The following VEZT variants were observed in gnomAD, a reference collection of about 807,000 sequenced individuals.
VEZT encodes vezatin, adherens junctions transmembrane protein, also known as vezatin.
Under a neutral mutation model 79.9 loss-of-function variants are expected in VEZT, and 39 were observed. That is an observed-to-expected ratio of 0.49 (90% CI 0.38 to 0.64). VEZT has a LOEUF of 0.64. VEZT is among the 30% of genes least tolerant of loss of function. The probability of loss-of-function intolerance (pLI) is 0.00; values close to 1 mark genes in which losing one functional copy is unlikely to be tolerated. For missense variants in VEZT, 837 were observed against 893.1 expected, an observed-to-expected ratio of 0.94 and a Z score of 0.80; for synonymous variants, 325 against 327.6, an observed-to-expected ratio of 0.99 and a Z score of 0.09.
At chr12:95,258,196 A>G (rs1156909894) in intron 3 of VEZT, 1 of 454,342 alleles carries the variant, frequency 2.2e-6, no homozygotes, top group African/African-American at 2.0e-5. Flanking sequence ...TGTATTGAGA[A>G]GGTCAATGAA....
intron 1 of VEZT, among the ~76,000 whole-genome samples, chr12:95,244,943 C>A (rs1057211433): frequency 6.6e-6 from 1 of 152,008 alleles, no homozygotes; most frequent in Admixed American, 6.6e-5. Flanking sequence ...TTTTAAAATA[C>A]CACTTTTGGC....
intron 5 of VEZT, among the ~76,000 whole-genome samples, chr12:95,266,917 G>T (rs1167770119): frequency 1.3e-5 from 2 of 152,176 alleles, no homozygotes; most frequent in Non-Finnish European, 2.9e-5. Flanking sequence ...ATAATATATA[G>T]AGAGTGTCTG....
intron 9 of VEZT, among the ~76,000 whole-genome samples, chr12:95,292,694 G>A (rs544753676): frequency 9.0e-4 from 135 of 150,672 alleles, no homozygotes; most frequent in Non-Finnish European, 1.3e-3. Context: ...GACTACAGGC[G>A]CATGCCACCA....
At chr12:95,232,782 T>G (rs2059443542) in intron 1 of VEZT, among the ~76,000 whole-genome samples, 1 of 151,930 alleles carries the variant, frequency 6.6e-6, no homozygotes, top group African/African-American at 2.4e-5. Flanking sequence ...GTTGGTTTGG[T>G]TTGGGTTTTT....
rs772401637 is a variant in VEZT, at chr12:95,266,515, A to G, written c.593A>G (p.Lys198Arg). ...ACAGCCAAACTACAAGTGACCCTAA[A>G]AAAATACAGCGTTCATTTGGAAGAT... ...WRTAKLQVTLKKYSVHLEDMA... is the reference protein window; with the variant it reads ...WRTAKLQVTLRKYSVHLEDMA... Residue 198 changes from lysine to arginine, a missense_variant, in exon 5 of 12, where the codon AAA (lysine) becomes AGA (arginine). Lys to Arg is a conservative substitution (Grantham distance 26, BLOSUM62 2). Transcript: ENST00000436874. 2.4e-5 allele frequency: 39 copies of G among 1,613,860 alleles called. No individual in the cohort carries two copies. In the South Asian group the frequency reaches 4.3e-4, roughly 18 times the overall value.
chr12:95,300,370 T>C lies in VEZT; in HGVS notation c.2037T>C (p.Asn679=). The C allele has an allele frequency of 4.3e-6, 7 of 1,613,728 alleles. No individual in the cohort carries two copies. The highest frequency in any genetic ancestry group is 5.9e-6 in the Non-Finnish European group (7 of 1,179,790). The part of the protein sequence containing the change: ...LEGKNKDNSS[N]EVFPQGAEER... ...GTAAAAATAAAGATAATTCTTCAAA[T>C]GAAGTCTTCCCCCAAGGAGCAGAAG... Residue 679 remains asparagine, a synonymous_variant, in exon 12 of 12, where the codon AAT becomes AAC. Transcript: ENST00000436874.
chr12:95,261,690 C>T (rs1314014548), intron 3 of VEZT, among the ~76,000 whole-genome samples: 4 of 152,288 alleles, frequency 2.6e-5, no homozygotes, highest in East Asian at 3.9e-4. Flanking sequence ...GGACTACAGG[C>T]GTGAGCCACT....
At chr12:95,242,353 A>G (rs1171369363) in intron 1 of VEZT, 1 of 152,178 alleles carries the variant, frequency 6.6e-6, no homozygotes, top group Non-Finnish European at 1.5e-5. Context: ...AATAAAAATA[A>G]AATCACCTGA....
At chr12:95,239,694 G>A (rs1435885501) in intron 1 of VEZT, among the ~76,000 whole-genome samples, 1 of 152,164 alleles carries the variant, frequency 6.6e-6, no homozygotes, top group Non-Finnish European at 1.5e-5. Flanking sequence ...GCTCACACCT[G>A]TAATCCCAGC....
intron 8 of VEZT, among the ~76,000 whole-genome samples, chr12:95,287,275 C>T (rs1347368009): frequency 2.0e-5 from 3 of 151,966 alleles, no homozygotes; most frequent in Non-Finnish European, 2.9e-5. Context: ...GTAGCCATTA[C>T]CACTGTCCAA....
At position 95,276,339 on chromosome 12, in the gene VEZT, C is replaced by T. The variant is rs374833795; in HGVS notation, c.996+1450C>T. Among the ~76,000 whole-genome samples, 62 of 134,146 alleles carry T rather than the reference C, an allele frequency of 4.6e-4. No individual in the cohort carries two copies. In the East Asian group the frequency reaches 5.7e-3, roughly 12 times the overall value. The allele number at this position is 134,146 out of a possible 152,430, so 88.0% of individuals were successfully genotyped here. A position where few individuals can be genotyped will look rare whatever the true frequency, so the allele number is the denominator to read the frequency against. On this transcript the variant is annotated intron_variant, in intron 7 of 11. Transcript: ENST00000436874. ...GGAGTACAGTGTGGCTCAATCACAG[C>T]TCACTGCAGCCTCAACCTCCCCAGG...
intron 8 of VEZT, among the ~76,000 whole-genome samples, chr12:95,285,490 G>T (rs1262875671): frequency 6.6e-6 from 1 of 151,964 alleles, no homozygotes; most frequent in African/African-American, 2.4e-5. Flanking sequence ...CTCACCTTTT[G>T]TATATGGGCC....
At chr12:95,225,963 C>A (rs61937951) in intron 1 of VEZT, among the ~76,000 whole-genome samples, 16,766 of 151,710 alleles carry the variant, frequency 0.11, 1,350 homozygotes, top group African/African-American at 0.23. Context: ...GGCATGGTGG[C>A]ATGCATCTCT....
chr12:95,221,611 G>A (rs1452309827), intron 1 of VEZT, among the ~76,000 whole-genome samples: 1 of 151,788 alleles, frequency 6.6e-6, no homozygotes, highest in Non-Finnish European at 1.5e-5. Context: ...GGGAGGCTAA[G>A]GTAGGAATAT....
intron 8 of VEZT, among the ~76,000 whole-genome samples, chr12:95,283,700 T>C (rs1351533221): frequency 2.0e-5 from 3 of 152,198 alleles, no homozygotes; most frequent in African/African-American, 7.2e-5. Context: ...GTTCAAGGCC[T>C]GAGTTGGGCT....
intron 1 of VEZT, among the ~76,000 whole-genome samples, chr12:95,234,344 A>G (rs2059699668): frequency 6.8e-6 from 1 of 147,982 alleles, no homozygotes; most frequent in South Asian, 2.1e-4. Context: ...CTAGAGTGCA[A>G]TGGCGCGATC....
chr12:95,286,283 T>C, intron 8 of VEZT: 1 of 359,576 alleles, frequency 2.8e-6, no homozygotes, highest in South Asian at 2.2e-5. Context: ...TGAGCCACCG[T>C]GCCTGACCGC....
At chr12:95,255,742 T>C (rs915563912) in intron 2 of VEZT, among the ~76,000 whole-genome samples, 3 of 152,184 alleles carry the variant, frequency 2.0e-5, no homozygotes, top group African/African-American at 7.2e-5. Context: ...TGAATATCCT[T>C]TTAATCATGC....
chr12:95,284,186 A>G (rs1302091490), intron 8 of VEZT, among the ~76,000 whole-genome samples: 1 of 152,214 alleles, frequency 6.6e-6, no homozygotes, highest in Non-Finnish European at 1.5e-5. Flanking sequence ...AATGTCTCTC[A>G]CCTTTCTAAG....
Sources: allele counts gnomAD v4.1 joint callset (sites outside exome capture counted in the v4.1 genomes callset), GRCh38; gene constraint gnomAD v4.1.1; transcripts MANE v1.5; gene names NCBI Gene and HGNC (gene_info 2026-07-23, HGNC 2026-07-21).